Variants in PPARGC1A observed in about 807,000 individuals in gnomAD.
The protein encoded by PPARGC1A is PPARG coactivator 1 alpha, also known as peroxisome proliferator-activated receptor gamma coactivator 1-alpha.
A neutral mutation model predicts 88.7 loss-of-function variants in PPARGC1A; 25 were observed. The observed-to-expected ratio is 0.28, with a 90% CI of 0.21 to 0.39. The LOEUF (loss-of-function observed/expected upper bound fraction) is 0.39. PPARGC1A is among the 10% of genes least tolerant of loss of function. The pLI is 1.00. For missense variants in PPARGC1A, 880 were observed against 968.7 expected (o/e 0.91, Z 1.22); for synonymous variants, 363 against 355.6 (o/e 1.02, Z -0.24).
chr4:24,195,245 T>C, the PPARGC1A span, among the ~76,000 whole-genome samples: 5 of 152,278 alleles, frequency 3.3e-5, no homozygotes, highest in South Asian at 2.1e-4. Flanking sequence ...ACCTGTAAAA[T>C]TGAAAGAATA....
chr4:23,910,281 A>C, the PPARGC1A span, among the ~76,000 whole-genome samples: 1 of 81,610 alleles, frequency 1.2e-5, no homozygotes, highest in Admixed American at 1.8e-4. Flanking sequence ...TATTAACCCT[A>C]TATATTATTA....
the PPARGC1A span, among the ~76,000 whole-genome samples, chr4:24,143,019 C>T: frequency 0.3 from 45,024 of 151,966 alleles, 7,269 homozygotes; most frequent in African/African-American, 0.41. Flanking sequence ...GTTATTATTA[C>T]GTGGGGAACA....
At chr4:24,261,158 A>G in the PPARGC1A span, among the ~76,000 whole-genome samples, 1 of 152,160 alleles carries the variant, frequency 6.6e-6, no homozygotes, top group African/African-American at 2.4e-5. Context: ...GTAATAGAGA[A>G]TGTTTCCATT....
At chr4:24,368,729 C>T in the PPARGC1A span, among the ~76,000 whole-genome samples, 2 of 152,104 alleles carry the variant, frequency 1.3e-5, no homozygotes, top group African/African-American at 4.8e-5. Flanking sequence ...TAATTAATTT[C>T]TTAAGTGCTA....
chr4:24,414,009 G>A, the PPARGC1A span, among the ~76,000 whole-genome samples: 2 of 152,070 alleles, frequency 1.3e-5, no homozygotes, highest in Admixed American at 6.5e-5. Context: ...AGTGAGACTC[G>A]AACCCACGGT....
At chr4:24,341,474 T>C in the PPARGC1A span, among the ~76,000 whole-genome samples, 1 of 152,170 alleles carries the variant, frequency 6.6e-6, no homozygotes, top group Non-Finnish European at 1.5e-5. Context: ...CTGTGACTCA[T>C]GGAGCCTGCA....
intron 7 of PPARGC1A, among the ~76,000 whole-genome samples, chr4:23,818,966 G>A (rs1722494010): frequency 6.8e-6 from 1 of 146,198 alleles, no homozygotes; most frequent in Non-Finnish European, 1.5e-5. Context: ...TGCCAATTCA[G>A]GTATTTAAGA....
chr4:24,217,994 A>G, the PPARGC1A span, among the ~76,000 whole-genome samples: 1 of 152,190 alleles, frequency 6.6e-6, no homozygotes, highest in Admixed American at 6.5e-5. Context: ...TTGTTAAAAT[A>G]AATGACATAT....
At chr4:24,302,501 T>TG in the PPARGC1A span, among the ~76,000 whole-genome samples, 1 of 152,204 alleles carries the variant, frequency 6.6e-6, no homozygotes, top group African/African-American at 2.4e-5. Context: ...ACAGGGTGTT[T>TG]GATGAAGGTG....
Position 23,824,312 on chromosome 4 carries a change from C to A in PPARGC1A, c.845G>T (p.Arg282Leu). The A allele has an allele frequency of 7.4e-6, 12 of 1,613,398 alleles. No individual in the cohort carries two copies. Among genetic ancestry groups the A allele is most frequent in the South Asian group, 1.1e-5 (1 of 91,052 alleles). ...TCCAGAGAGTTCCACACTTAAGGTG[C>A]GTTCAATAGTCTTGTTCTCAAATGG... The part of the protein sequence containing the change: ...GSPFENKTIE[R>L]TLSVELSGTA... Residue 282 changes from arginine to leucine, a missense_variant, in exon 7 of 13, where the codon CGC (arginine) becomes CTC (leucine). Transcript: ENST00000264867.
the PPARGC1A span, among the ~76,000 whole-genome samples, chr4:24,288,024 G>A: frequency 1.4e-4 from 21 of 152,100 alleles, no homozygotes; most frequent in African/African-American, 5.1e-4. Flanking sequence ...TGGCAACTTT[G>A]CGGGTGCCCT....
the PPARGC1A span, among the ~76,000 whole-genome samples, chr4:23,920,386 T>C: frequency 1.3e-5 from 2 of 152,134 alleles, no homozygotes; most frequent in Non-Finnish European, 1.5e-5. Context: ...CCAAGGTTAA[T>C]ATCTATATTA....
chr4:24,368,537 G>A, the PPARGC1A span, among the ~76,000 whole-genome samples: 8 of 152,002 alleles, frequency 5.3e-5, no homozygotes, highest in Admixed American at 2.6e-4. Flanking sequence ...AATCAAATTT[G>A]GGGGGTTCTC....
the PPARGC1A span, among the ~76,000 whole-genome samples, chr4:24,468,719 C>A: frequency 6.6e-6 from 1 of 152,010 alleles, no homozygotes; most frequent in East Asian, 1.9e-4. Flanking sequence ...GAATAAACAC[C>A]CTCATTGTTT....
At chr4:24,002,983 T>C in the PPARGC1A span, among the ~76,000 whole-genome samples, 1 of 152,204 alleles carries the variant, frequency 6.6e-6, no homozygotes, top group African/African-American at 2.4e-5. Context: ...CTCATTACAT[T>C]CTTGTGGATT....
At chr4:24,380,056 C>T in the PPARGC1A span, among the ~76,000 whole-genome samples, 1 of 152,072 alleles carries the variant, frequency 6.6e-6, no homozygotes, top group Admixed American at 6.6e-5. Context: ...GGATTACAGG[C>T]CTGAGCCACC....
chr4:24,059,468 G>A, the PPARGC1A span, among the ~76,000 whole-genome samples: 310 of 152,248 alleles, frequency 2.0e-3, no homozygotes, highest in Non-Finnish European at 2.9e-3. Context: ...AGAAGTGAGC[G>A]CTTTTCAAAC....
chr4:24,070,925 G>T, the PPARGC1A span, among the ~76,000 whole-genome samples: 1 of 152,174 alleles, frequency 6.6e-6, no homozygotes, highest in Admixed American at 6.5e-5. Flanking sequence ...CTGAGTAGTT[G>T]CAACAGAGGC....
the PPARGC1A span, among the ~76,000 whole-genome samples, chr4:24,136,900 G>T: frequency 2.6e-5 from 4 of 152,120 alleles, no homozygotes; most frequent in Non-Finnish European, 5.9e-5. Flanking sequence ...TGGATCACGA[G>T]GTCAGGAGTT....
Sources: allele counts gnomAD v4.1 joint callset (sites outside exome capture counted in the v4.1 genomes callset), GRCh38; gene constraint gnomAD v4.1.1; transcripts MANE v1.5; gene names NCBI Gene and HGNC (gene_info 2026-07-23, HGNC 2026-07-21).